Variants in RTN1 observed in about 807,000 individuals in gnomAD.
RTN1 encodes reticulon 1.
A neutral mutation model predicts 65.5 loss-of-function variants in RTN1; 25 were observed. The ratio of observed to expected loss-of-function variants is 0.38; its 90% CI spans 0.28 to 0.53. RTN1 has a LOEUF of 0.53. RTN1 is among the 20% of genes least tolerant of loss of function. The pLI is 0.79. For missense variants in RTN1, 983 were observed against 1,025.4 expected (o/e 0.96, Z 0.57); for synonymous variants, 471 against 447.6 (o/e 1.05, Z -0.66).
intron 1 of RTN1, among the ~76,000 whole-genome samples, chr14:59,856,442 C>T (rs1353601261): frequency 6.6e-6 from 1 of 152,154 alleles, no homozygotes; most frequent in Non-Finnish European, 1.5e-5. Flanking sequence ...CCCACACATA[C>T]CTGGGACAGC....
intron 2 of RTN1, among the ~76,000 whole-genome samples, chr14:59,729,206 C>T (rs1241144802): frequency 1.3e-5 from 2 of 152,100 alleles, no homozygotes; most frequent in Admixed American, 1.3e-4. Context: ...GCACTGATTC[C>T]CAGGTATCAT....
intron 1 of RTN1, among the ~76,000 whole-genome samples, chr14:59,806,094 G>T (rs1013704662): frequency 1.3e-5 from 2 of 151,930 alleles, no homozygotes; most frequent in East Asian, 3.9e-4. Context: ...AAATTAGCTG[G>T]GCATGGTGGT....
intron 3 of RTN1, among the ~76,000 whole-genome samples, chr14:59,607,983 C>T (rs1221069261): frequency 6.6e-6 from 1 of 151,922 alleles, no homozygotes; most frequent in African/African-American, 2.4e-5. Flanking sequence ...TGTTTGCTTA[C>T]ATTCTGTGAT....
intron 3 of RTN1, among the ~76,000 whole-genome samples, chr14:59,679,942 A>G (rs1883711139): frequency 6.6e-6 from 1 of 152,176 alleles, no homozygotes; most frequent in African/African-American, 2.4e-5. Context: ...CTTCTTAAAA[A>G]CCAGGTCAGA....
intron 1 of RTN1, among the ~76,000 whole-genome samples, chr14:59,867,819 A>G (rs1243005137): frequency 1.3e-5 from 2 of 152,168 alleles, no homozygotes; most frequent in African/African-American, 4.8e-5. Context: ...TTGAGTCCCA[A>G]AAAAGCACCA....
intron 1 of RTN1, among the ~76,000 whole-genome samples, chr14:59,867,056 T>C (rs1887810781): frequency 6.6e-6 from 1 of 152,218 alleles, no homozygotes; most frequent in African/African-American, 2.4e-5. Flanking sequence ...ATTGGACTGA[T>C]TTTTCCTGAC....
intron 1 of RTN1, among the ~76,000 whole-genome samples, chr14:59,830,478 C>G (rs537866579): frequency 6.6e-6 from 1 of 152,308 alleles, no homozygotes; most frequent in East Asian, 1.9e-4. Context: ...AGTAAGGTGA[C>G]TATAAGTCAG....
intron 3 of RTN1, among the ~76,000 whole-genome samples, chr14:59,672,936 G>A (rs887849505): frequency 9.2e-5 from 14 of 152,140 alleles, no homozygotes; most frequent in African/African-American, 2.9e-4. Context: ...CACCGCGCCC[G>A]GCCAAGATAT....
chr14:59,746,019 C>T lies in RTN1; in HGVS notation c.704G>A (p.Gly235Glu). 6.2e-7 allele frequency: 1 copy of T among 1,614,098 alleles called. No individual in the cohort carries two copies. The highest frequency in any genetic ancestry group is 2.2e-5 in the East Asian group (1 of 44,884). The change falls in exon 2 of 9, where the codon GGA becomes GAA. Residue 235 changes from glycine to glutamate, a missense_variant. Transcript: ENST00000267484. ...KDTDISIKPE[G>E]VREPDKPAPV... ...AGCTGGTTTGTCAGGTTCACGGACT[C>T]CTTCAGGTTTAATTGAGATGTCAGT...
At chr14:59,741,834 C>T (rs188807141) in intron 2 of RTN1, among the ~76,000 whole-genome samples, 86 of 152,324 alleles carry the variant, frequency 5.6e-4, no homozygotes, top group African/African-American at 1.9e-3. Flanking sequence ...TCTCTCTGAA[C>T]TGTGGGCTCC....
intron 1 of RTN1, among the ~76,000 whole-genome samples, chr14:59,782,218 C>T (rs1295615277): frequency 6.6e-6 from 1 of 152,090 alleles, no homozygotes; most frequent in African/African-American, 2.4e-5. Flanking sequence ...TATAAGCTAT[C>T]TAGTTTATGG....
At chr14:59,692,421 A>T (rs547016814) in intron 3 of RTN1, among the ~76,000 whole-genome samples, 1 of 152,352 alleles carries the variant, frequency 6.6e-6, no homozygotes, top group South Asian at 2.1e-4. Context: ...AGATGACATT[A>T]AAAAATGGAA....
chr14:59,768,640 G>A (rs1045212766), intron 1 of RTN1, among the ~76,000 whole-genome samples: 1 of 152,064 alleles, frequency 6.6e-6, no homozygotes, highest in East Asian at 1.9e-4. Flanking sequence ...GCTTAGCCCT[G>A]GGATAACCTT....
intron 1 of RTN1, among the ~76,000 whole-genome samples, chr14:59,859,083 T>TG (rs1356602102): frequency 6.6e-6 from 1 of 152,228 alleles, no homozygotes. Flanking sequence ...GTAGTCAATT[T>TG]GGGGTAACTA....
chr14:59,707,522 A>C (rs1023060370), intron 3 of RTN1, among the ~76,000 whole-genome samples: 2 of 152,192 alleles, frequency 1.3e-5, no homozygotes, highest in African/African-American at 4.8e-5. Context: ...TCTCTCCCCT[A>C]GTGCCTAGAA....
At position 59,777,846 on chromosome 14, in the gene RTN1, AACACAC is replaced by A. The variant is rs36006273; in HGVS notation, c.242-31371_242-31366del. Reference sequence around the variant, plus strand: ...ACAAAAAAAAAAAACAAAACAACAAAACACACACACACACACACACAAAACACCCTA... The same window carrying A: ...ACAAAAAAAAAAAACAAAACAACAAAACACACACACACACAAAACACCCTA... On this transcript the variant is annotated intron_variant, in intron 1 of 8. Coordinates refer to ENST00000267484, the MANE Select transcript of RTN1 (RefSeq NM_021136.3). Among the ~76,000 whole-genome samples the A allele has an allele frequency of 6.0e-3, 906 of 150,108 alleles. 4 individuals are homozygous for A. The highest frequency in any genetic ancestry group is 0.013 in the South Asian group (61 of 4,744).
intron 1 of RTN1, among the ~76,000 whole-genome samples, chr14:59,760,003 A>G (rs903252310): frequency 6.6e-6 from 1 of 152,236 alleles, no homozygotes; most frequent in African/African-American, 2.4e-5. Flanking sequence ...CAACCTTCTT[A>G]CAGGAATTAG....
intron 5 of RTN1, chr14:59,604,236 A>G: frequency 5.8e-6 from 1 of 173,788 alleles, no homozygotes; most frequent in Non-Finnish European, 1.2e-5. Flanking sequence ...TAAATGTTCA[A>G]ATAAAATCAA....
At position 59,715,475 on chromosome 14, in the gene RTN1, A is replaced by C. The variant is rs372334126; in HGVS notation, c.1765+11444T>G. ...ATAGCATGTCTTGGTGAAATATATA[A>C]AAACTTCTCCAAATTTCAGGATTCT... On this transcript the variant is annotated intron_variant, in intron 3 of 8. Transcript: ENST00000267484. 5.0e-4 allele frequency among the ~76,000 whole-genome samples: 76 copies of C among 152,322 alleles called. 1 individual carries two copies. Among genetic ancestry groups the C allele is most frequent in the African/African-American group, 1.7e-3 (71 of 41,578 alleles).
Sources: gnomAD v4.1 joint callset for allele counts (sites outside exome capture counted in the v4.1 genomes callset) on GRCh38, gnomAD v4.1.1 for gene constraint, MANE v1.5 for transcripts, NCBI Gene and HGNC (gene_info 2026-07-23, HGNC 2026-07-21) for gene names.